The following TGIF1 variants were observed in gnomAD, a reference collection of about 807,000 sequenced individuals.
TGIF1 encodes TGFB induced factor homeobox 1, also known as homeobox protein TGIF1.
A neutral mutation model predicts 19.3 loss-of-function variants in TGIF1; 4 were observed. That is an observed-to-expected ratio of 0.21 (90% CI 0.10 to 0.47). The LOEUF is 0.47. Ranked by LOEUF, TGIF1 falls within the 20% of genes least tolerant of loss-of-function variation. The pLI, the probability that TGIF1 is intolerant of heterozygous loss-of-function variation, is 0.98. For missense variants in TGIF1, 275 were observed against 341.4 expected, an observed-to-expected ratio of 0.81 and a Z score of 1.53; for synonymous variants, 122 against 129.3, an observed-to-expected ratio of 0.94 and a Z score of 0.38.
chr18:3,422,691 T>TTG (rs2082419796), intron 2 of TGIF1, among the ~76,000 whole-genome samples: 3 of 137,666 alleles, frequency 2.2e-5, no homozygotes, highest in African/African-American at 8.0e-5. Context: ...TTTTTTTTTT[T>TTG]TTTTTTTTTT....
At chr18:3,444,272 TCTCA>T (rs1215163172) in intron 2 of TGIF1, among the ~76,000 whole-genome samples, 4 of 148,992 alleles carry the variant, frequency 2.7e-5, no homozygotes, top group Non-Finnish European at 3.0e-5. Context: ...ATTCTTATAG[TCTCA>T]CTTTCTTTTC....
At chr18:3,426,166 C>CTTTTTTTTTTTTTT (rs10675936) in intron 2 of TGIF1, among the ~76,000 whole-genome samples, 1 of 116,612 alleles carries the variant, frequency 8.6e-6, no homozygotes. Context: ...GGCTAGGGTC[C>CTTTTTTTTTTTTTT]TTTTTTTTTT....
rs1241758689 is a variant in TGIF1 at position 3,454,258 on chromosome 18, A to C, written c.17-2096A>C. Among the ~76,000 whole-genome samples, 3 of 152,288 alleles carry C rather than the reference A, an allele frequency of 2.0e-5. No individual in the cohort carries two copies. The South Asian group carries it at 6.2e-4, about 32-fold the overall frequency. ...TTCTGAAAGATCAGGCTTCTTGTCAAACTAGGCAAGCAGATCAAAGGGCAG... is the reference window on the plus strand; with the variant it reads ...TTCTGAAAGATCAGGCTTCTTGTCACACTAGGCAAGCAGATCAAAGGGCAG... On this transcript the variant is annotated intron_variant, in intron 1 of 2. Transcript: ENST00000343820.
chr18:3,449,559 C>A (rs2082832407), upstream of TGIF1: 11 of 966,162 alleles, frequency 1.1e-5, no homozygotes, highest in Non-Finnish European at 1.3e-5. Flanking sequence ...CCACCCCCGC[C>A]GACCTCCCAC....
intron 1 of TGIF1, chr18:3,452,217 G>GCC (rs11571509): frequency 8.1e-6 from 13 of 1,605,028 alleles, no homozygotes; most frequent in South Asian, 1.1e-5. Context: ...GTCCTCCTGC[G>GCC]CCCCCCCTCC....
rs895846496 is a variant in TGIF1, at chr18:3,458,670, C to T, written c.*730C>T. The T allele has an allele frequency of 6.5e-6, 1 of 152,892 alleles. No individual in the cohort carries two copies. Among genetic ancestry groups the T allele is most frequent in the Non-Finnish European group, 1.5e-5 (1 of 68,636 alleles). The allele number at this position is 152,892 out of a possible 1,614,324, so 9.5% of individuals were successfully genotyped here. A position where few individuals can be genotyped will look rare whatever the true frequency, so the allele number is the denominator to read the frequency against. On this transcript the variant is annotated 3_prime_UTR_variant, in exon 3 of 3. Coordinates refer to ENST00000343820, the MANE Select transcript of TGIF1 (RefSeq NM_003244.4). ...TGAAATGAATCATTTTAGTGTTTAG[C>T]TAGCCACTAAATCCCTTGCTGATCT...
At chr18:3,446,574 G>C (rs951363278), upstream of TGIF1, among the ~76,000 whole-genome samples, 1 of 152,222 alleles carries the variant, frequency 6.6e-6, no homozygotes, top group Non-Finnish European at 1.5e-5. Flanking sequence ...GGGCCGGGAA[G>C]GGAAGTGCAG....
Position 3,451,468 on chromosome 18 carries a change from T to C in TGIF1, c.16+963T>C, listed in dbSNP as rs1454109997. On this transcript the variant is annotated intron_variant, in intron 1 of 2. Coordinates refer to ENST00000343820, the MANE Select transcript of TGIF1 (RefSeq NM_003244.4). The surrounding 1 kb of genome is among the most constrained non-coding windows in gnomAD (Gnocchi z 5.4). The stretch of plus-strand genomic sequence containing the variant: ...GTCCCCCGAGTGTTCCGCTGTGGGC[T>C]GGAGGTGGCGTTTCTGTCGTGATTT... 1 of 987,442 alleles carries C rather than the reference T, an allele frequency of 1.0e-6. No homozygotes were observed. Among genetic ancestry groups the C allele is most frequent in the East Asian group, 1.1e-4 (1 of 8,884 alleles). 61.2% of individuals were successfully genotyped at this position (987,442 alleles called of 1,614,324 possible). A position where few individuals can be genotyped will look rare whatever the true frequency, so the allele number is the denominator to read the frequency against.
chr18:3,425,452 C>A (rs1011582129), intron 2 of TGIF1, among the ~76,000 whole-genome samples: 1 of 152,192 alleles, frequency 6.6e-6, no homozygotes, highest in Non-Finnish European at 1.5e-5. Context: ...GCCATTATTC[C>A]GAAAGTCATA....
Position 3,450,183 on chromosome 18 carries a change from G to A in TGIF1, c.-307G>A, listed in dbSNP as rs896835778. 2 of 1,332,482 alleles carry A rather than the reference G, an allele frequency of 1.5e-6. No individual in the cohort carries two copies. Among genetic ancestry groups the A allele is most frequent in the African/African-American group, 1.5e-5 (1 of 67,218 alleles). 82.5% of individuals were successfully genotyped at this position (1,332,482 alleles called of 1,614,324 possible). ...TCCTCGCCTCTCTCACTCTGACAGC[G>A]CCGAGGTGCGCCGAGCAGGAGCAGG... is the stretch of plus-strand genomic sequence containing the variant. On this transcript the variant is annotated 5_prime_UTR_variant, in exon 1 of 3. Transcript: ENST00000343820.
At chr18:3,436,800 T>G (rs962554353) in intron 2 of TGIF1, among the ~76,000 whole-genome samples, 3 of 146,446 alleles carry the variant, frequency 2.0e-5, no homozygotes, top group African/African-American at 7.6e-5. Context: ...GCCTGGGAGA[T>G]AGAGGGAGAC....
upstream of TGIF1, chr18:3,448,717 C>CTTTTTTTTTTTTTTTTTTTTTTTTTTT (rs869086299): frequency 8.2e-6 from 2 of 244,906 alleles, no homozygotes; most frequent in African/African-American, 8.3e-5. Context: ...GCGGGGGTGT[C>CTTTTTTTTTTTTTTTTTTTTTTTTTTT]TTTTTTTTTT....
intron 1 of TGIF1, among the ~76,000 whole-genome samples, chr18:3,454,844 G>C (rs770357894): frequency 6.6e-6 from 1 of 152,160 alleles, no homozygotes; most frequent in Non-Finnish European, 1.5e-5. Flanking sequence ...GGAGAGTTCT[G>C]CCTTTTGTAG....
At chr18:3,432,497 T>A (rs1312422336) in intron 2 of TGIF1, among the ~76,000 whole-genome samples, 1 of 152,204 alleles carries the variant, frequency 6.6e-6, no homozygotes, top group African/African-American at 2.4e-5. Context: ...CTAATTTTGA[T>A]AATTGTAATA....
intron 1 of TGIF1, chr18:3,452,091 C>T: frequency 6.2e-7 from 1 of 1,614,040 alleles, no homozygotes; most frequent in Non-Finnish European, 8.5e-7. Context: ...CCCCGGGAAT[C>T]CCCAGTGCTC....
At position 3,450,396 on chromosome 18, in the gene TGIF1, C is replaced by A; in HGVS notation, c.-94C>A. On this transcript the variant is annotated 5_prime_UTR_variant, in exon 1 of 3. Transcript: ENST00000343820. ...CACGTCCTACAAGTTACGGGAGAGT[C>A]GGCTGTGAAGGAGACGTTCGCTTAT... 1 of 1,546,078 alleles carries A rather than the reference C, an allele frequency of 6.5e-7. No homozygotes were observed. Among genetic ancestry groups the A allele is most frequent in the South Asian group, 1.2e-5 (1 of 83,548 alleles).
chr18:3,424,240 T>C (rs1393916434), intron 2 of TGIF1, among the ~76,000 whole-genome samples: 1 of 150,586 alleles, frequency 6.6e-6, no homozygotes, highest in Non-Finnish European at 1.5e-5. Context: ...AGTAAGTTTT[T>C]TTTGTTGTTT....
At chr18:3,445,723 CAAAAAAAAAAAAAA>C (rs141550400), upstream of TGIF1, among the ~76,000 whole-genome samples, 29 of 17,698 alleles carry the variant, frequency 1.6e-3, no homozygotes, top group African/African-American at 4.2e-3. Context: ...GACTCTGTCT[CAAAAAAAAAAAAAA>C]AAAAAAAAAA....
At chr18:3,431,642 T>TA (rs2143192754) in intron 2 of TGIF1, among the ~76,000 whole-genome samples, 1 of 152,146 alleles carries the variant, frequency 6.6e-6, no homozygotes, top group South Asian at 2.1e-4. Flanking sequence ...CGATGGATGA[T>TA]AAAACTAAAG....
Sources: gnomAD v4.1 joint callset for allele counts (sites outside exome capture counted in the v4.1 genomes callset) on GRCh38, gnomAD v4.1.1 for gene constraint, Gnocchi (gnomAD v3.1) non-coding constraint, MANE v1.5 for transcripts, NCBI Gene and HGNC (gene_info 2026-07-23, HGNC 2026-07-21) for gene names.